Variants in ANO6 observed in about 807,000 individuals in gnomAD.
The protein encoded by ANO6 is anoctamin-6.
ANO6 carries 106 observed loss-of-function variants against 117.5 expected under a neutral mutation model. The observed-to-expected ratio is 0.90, with a 90% CI of 0.77 to 1.06. The LOEUF is 1.06. Ranked by LOEUF, ANO6 falls within the 50% of genes least tolerant of loss-of-function variation. The pLI is 0.00. For missense variants in ANO6, 955 were observed against 1,121.1 expected, an observed-to-expected ratio of 0.85 and a Z score of 2.12; for synonymous variants, 367 against 385.1, an observed-to-expected ratio of 0.95 and a Z score of 0.55.
At chr12:45,256,435 TTAC>T (rs990182253) in intron 1 of ANO6, 2 of 152,220 alleles carry the variant, frequency 1.3e-5, no homozygotes, top group African/African-American at 4.8e-5. Flanking sequence ...TATTTGATTG[TTAC>T]TACTGTTAAT....
chr12:45,312,360 G>A (rs990970391), intron 2 of ANO6, among the ~76,000 whole-genome samples: 6 of 152,054 alleles, frequency 3.9e-5, no homozygotes, highest in Admixed American at 2.6e-4. Context: ...GATGTAAAAT[G>A]TTGTAATAAA....
At chr12:45,352,749 T>A (rs1435596635) in intron 7 of ANO6, among the ~76,000 whole-genome samples, 1 of 149,676 alleles carries the variant, frequency 6.7e-6, no homozygotes, top group African/African-American at 2.5e-5. Flanking sequence ...AAAAATTATT[T>A]AATATCATCA....
chr12:45,423,179 AT>A, intron 19 of ANO6, 117 bp downstream of exon 19: 1 of 794,628 alleles, frequency 1.3e-6, no homozygotes, highest in Non-Finnish European at 2.2e-6. Context: ...ACTTGCTAAT[AT>A]TTTAGGAAAT....
intron 7 of ANO6, among the ~76,000 whole-genome samples, chr12:45,353,567 T>C (rs1370852709): frequency 6.6e-6 from 1 of 152,224 alleles, no homozygotes; most frequent in East Asian, 1.9e-4. Flanking sequence ...CCACATGTTC[T>C]TTCCCTTCAT....
At chr12:45,366,853 A>G (rs151102492) in intron 8 of ANO6, among the ~76,000 whole-genome samples, 1 of 152,318 alleles carries the variant, frequency 6.6e-6, no homozygotes, top group African/African-American at 2.4e-5. Context: ...CACTATTGAA[A>G]TGGTACTTTT....
At chr12:45,273,072 T>C (rs1241198299) in intron 1 of ANO6, among the ~76,000 whole-genome samples, 1 of 152,134 alleles carries the variant, frequency 6.6e-6, no homozygotes, top group Non-Finnish European at 1.5e-5. Context: ...ACAAATACTG[T>C]TTGACCTCAC....
chr12:45,421,136 C>T lies in ANO6; in HGVS notation c.2283C>T (p.Val761=). 2 of 1,614,068 alleles carry T rather than the reference C, an allele frequency of 1.2e-6. No individual in the cohort carries two copies. The highest frequency in any genetic ancestry group is 8.5e-7 in the Non-Finnish European group (1 of 1,180,010). The change falls in exon 18 of 20, where the codon GTC becomes GTT. Residue 761 remains valine (V), a synonymous_variant. Coordinates refer to ENST00000320560, the MANE Select transcript of ANO6 (RefSeq NM_001025356.3). Reference sequence around the variant, plus strand: ...TAGTGTACTACTGGTCCTTCTCCGTCCCTCCCTACGGGGACCACACTTCCT... The same window carrying T: ...TAGTGTACTACTGGTCCTTCTCCGTTCCTCCCTACGGGGACCACACTTCCT... ...PRLVYYWSFS[V]PPYGDHTSYT... is the part of the protein sequence containing the mutation.
intron 1 of ANO6, among the ~76,000 whole-genome samples, chr12:45,263,790 C>T (rs1182445962): frequency 2.0e-5 from 3 of 152,144 alleles, no homozygotes; most frequent in Non-Finnish European, 1.5e-5. Flanking sequence ...GGTGTTTGTA[C>T]TCATTTCAGA....
At chr12:45,407,061 G>C (rs1942953603) in intron 15 of ANO6, among the ~76,000 whole-genome samples, 1 of 152,194 alleles carries the variant, frequency 6.6e-6, no homozygotes, top group Non-Finnish European at 1.5e-5. Flanking sequence ...AGTTCTGTGG[G>C]TGATTCTCAT....
chr12:45,416,692 T>G lies in ANO6; in HGVS notation c.2012-7T>G. On this transcript the variant is annotated splice_polypyrimidine_tract_variant and splice_region_variant and intron_variant, in intron 16 of 19. Transcript: ENST00000320560. The stretch of plus-strand genomic sequence containing the variant: ...CACTCCATGATGTGTGTCCATTCCA[T>G]TGACAGTTATTCAGTTTGGGTTCGT... 6.2e-7 allele frequency: 1 copy of G among 1,613,830 alleles called. No individual in the cohort carries two copies. Among genetic ancestry groups the G allele is most frequent in the South Asian group, 1.1e-5 (1 of 91,058 alleles).
chr12:45,268,639 G>A (rs751653593), intron 1 of ANO6, among the ~76,000 whole-genome samples: 4 of 152,118 alleles, frequency 2.6e-5, no homozygotes, highest in Admixed American at 6.5e-5. Context: ...AACCATCTTT[G>A]TTTTTCACCT....
intron 1 of ANO6, among the ~76,000 whole-genome samples, chr12:45,295,634 T>C (rs1467160992): frequency 6.6e-6 from 1 of 152,058 alleles, no homozygotes; most frequent in East Asian, 1.9e-4. Flanking sequence ...CAATTTCGGC[T>C]CACTGCAACC....
At chr12:45,255,954 T>C (rs1937809416) in intron 1 of ANO6, among the ~76,000 whole-genome samples, 1 of 151,492 alleles carries the variant, frequency 6.6e-6, no homozygotes, top group African/African-American at 2.4e-5. Context: ...CCCGAGTAGC[T>C]GGGATTACAG....
intron 1 of ANO6, among the ~76,000 whole-genome samples, chr12:45,261,602 C>G (rs1938035929): frequency 6.6e-6 from 1 of 152,144 alleles, no homozygotes; most frequent in Non-Finnish European, 1.5e-5. Context: ...TTGTGTAACT[C>G]CAAAGGACTT....
intron 1 of ANO6, among the ~76,000 whole-genome samples, chr12:45,241,748 C>T (rs1054320333): frequency 6.6e-6 from 1 of 152,148 alleles, no homozygotes; most frequent in African/African-American, 2.4e-5. Context: ...TGTGGATGTC[C>T]TTTTTGTTGA....
chr12:45,377,133 A>G (rs895001695), intron 9 of ANO6, among the ~76,000 whole-genome samples: 9 of 150,464 alleles, frequency 6.0e-5, no homozygotes, highest in African/African-American at 1.2e-4. Context: ...TTCTTTCAGC[A>G]TTTGAAAAGG....
chr12:45,262,454 G>T (rs577445821), intron 1 of ANO6, among the ~76,000 whole-genome samples: 1 of 149,442 alleles, frequency 6.7e-6, no homozygotes, highest in Admixed American at 6.7e-5. Flanking sequence ...ACGGAGTTTC[G>T]CTCTTGTTGC....
chr12:45,317,499 A>G (rs2137354180), intron 2 of ANO6, among the ~76,000 whole-genome samples: 1 of 151,410 alleles, frequency 6.6e-6, no homozygotes, highest in East Asian at 2.0e-4. Flanking sequence ...TATGTGCCAC[A>G]TTTTCTTAAT....
At chr12:45,423,681 A>G (rs1206072169) in intron 19 of ANO6, among the ~76,000 whole-genome samples, 2 of 152,222 alleles carry the variant, frequency 1.3e-5, no homozygotes, top group African/African-American at 2.4e-5. Context: ...TCCTGAATCA[A>G]TCAATACCAG....
Sources: allele counts gnomAD v4.1 joint callset (sites outside exome capture counted in the v4.1 genomes callset), GRCh38; gene constraint gnomAD v4.1.1; transcripts MANE v1.5; gene names NCBI Gene and HGNC (gene_info 2026-07-23, HGNC 2026-07-21).